MICAL2: variants seen among roughly 807,000 people sequenced by gnomAD.
The protein encoded by MICAL2 is microtubule associated monooxygenase, calponin and LIM domain containing 2, also known as [F-actin]-monooxygenase MICAL2.
Under a neutral mutation model 127.3 loss-of-function variants are expected in MICAL2, and 77 were observed. The ratio of observed to expected loss-of-function variants is 0.60; its 90% CI spans 0.50 to 0.73. The LOEUF (loss-of-function observed/expected upper bound fraction) is 0.73, where lower values mean the gene tolerates loss of function less well. Among genes scored for constraint, MICAL2 ranks in the 30% least tolerant of loss-of-function variants. The probability of loss-of-function intolerance (pLI) is 0.00; values close to 1 mark genes in which losing one functional copy is unlikely to be tolerated. For missense variants in MICAL2, 1,351 were observed against 1,434.4 expected (o/e 0.94, Z 0.94); for synonymous variants, 570 against 551.1 (o/e 1.03, Z -0.48).
intron 1 of MICAL2, among the ~76,000 whole-genome samples, chr11:12,125,065 G>A (rs1290565340): frequency 6.6e-6 from 1 of 152,196 alleles, no homozygotes; most frequent in East Asian, 1.9e-4. Context: ...TAGCCACTGG[G>A]GCTTCCTGCG....
chr11:12,291,109 G>A (rs1013982545), downstream of MICAL2, among the ~76,000 whole-genome samples: 24 of 152,170 alleles, frequency 1.6e-4, no homozygotes, highest in African/African-American at 5.3e-4. Flanking sequence ...TCCACGTGGA[G>A]GTCCTGGGAA....
chr11:12,161,161 T>C (rs551096013), intron 2 of MICAL2, among the ~76,000 whole-genome samples: 1 of 152,350 alleles, frequency 6.6e-6, no homozygotes, highest in East Asian at 1.9e-4. Flanking sequence ...GAAAAACAGC[T>C]AGTGCTTTGG....
chr11:12,253,629 C>G (rs758164452), intron 22 of MICAL2: 1 of 152,234 alleles, frequency 6.6e-6, no homozygotes, highest in Non-Finnish European at 1.5e-5. Context: ...CTGAGTTCTA[C>G]GAGCGATCCT....
intron 30 of MICAL2, among the ~76,000 whole-genome samples, chr11:12,322,067 CT>C (rs1263152367): frequency 6.6e-6 from 1 of 151,930 alleles, no homozygotes; most frequent in Non-Finnish European, 1.5e-5. Context: ...AGTTAATTTC[CT>C]CTCTGAGTTT....
intron 15 of MICAL2, among the ~76,000 whole-genome samples, chr11:12,235,709 G>A (rs1420280607): frequency 1.3e-5 from 2 of 152,160 alleles, no homozygotes; most frequent in Non-Finnish European, 2.9e-5. Flanking sequence ...CTTCTTGTAG[G>A]AGAGAGGCTC....
At chr11:12,300,535 G>A (rs956349222) in intron 29 of MICAL2, among the ~76,000 whole-genome samples, 1 of 152,100 alleles carries the variant, frequency 6.6e-6, no homozygotes, top group Non-Finnish European at 1.5e-5. Flanking sequence ...GGTCCTCCTG[G>A]GCTTGAAGAA....
chr11:12,114,100 G>C (rs1243733770), intron 1 of MICAL2, among the ~76,000 whole-genome samples: 1 of 152,164 alleles, frequency 6.6e-6, no homozygotes, highest in Non-Finnish European at 1.5e-5. Context: ...AACTCATAAT[G>C]CATAATCAGC....
At chr11:12,126,647 C>T (rs1480772852) in intron 1 of MICAL2, among the ~76,000 whole-genome samples, 3 of 150,204 alleles carry the variant, frequency 2.0e-5, no homozygotes, top group African/African-American at 4.9e-5. Context: ...ATGCATAAGG[C>T]TCAACTTCTC....
intron 1 of MICAL2, among the ~76,000 whole-genome samples, chr11:12,134,303 A>AT (rs1347937056): frequency 2.0e-5 from 3 of 151,972 alleles, no homozygotes; most frequent in East Asian, 1.9e-4. Flanking sequence ...AGCTATCTGG[A>AT]TTTTTTTTCT....
At chr11:12,321,426 A>T (rs1301301577) in intron 30 of MICAL2, among the ~76,000 whole-genome samples, 3 of 152,108 alleles carry the variant, frequency 2.0e-5, no homozygotes, top group Non-Finnish European at 2.9e-5. Context: ...ACGAGGCAGG[A>T]TGTGTCCTCT....
chr11:12,269,782 T>C (rs1222598497), intron 24 of MICAL2, among the ~76,000 whole-genome samples: 1 of 152,242 alleles, frequency 6.6e-6, no homozygotes, highest in Non-Finnish European at 1.5e-5. Flanking sequence ...CCAGGGCCCC[T>C]TGAATGACGC....
intron 33 of MICAL2, among the ~76,000 whole-genome samples, chr11:12,351,485 A>C (rs879480695): frequency 6.6e-6 from 1 of 152,224 alleles, no homozygotes; most frequent in Non-Finnish European, 1.5e-5. Flanking sequence ...ACCAAAAAAT[A>C]ATTATTTGGC....
At chr11:12,317,362 C>T (rs1461302080) in intron 29 of MICAL2, among the ~76,000 whole-genome samples, 1 of 152,212 alleles carries the variant, frequency 6.6e-6, no homozygotes, top group East Asian at 1.9e-4. Flanking sequence ...GCCTGCTGTC[C>T]AGTGCCTGAA....
At chr11:12,125,402 C>T (rs1850835261) in intron 1 of MICAL2, among the ~76,000 whole-genome samples, 1 of 152,184 alleles carries the variant, frequency 6.6e-6, no homozygotes, top group South Asian at 2.1e-4. Flanking sequence ...TACAGGCATG[C>T]ACCACCATGC....
intron 1 of MICAL2, chr11:12,116,977 G>A (rs10765923): frequency 0.42 from 64,513 of 151,934 alleles, 14,023 homozygotes; most frequent in Non-Finnish European, 0.47. Flanking sequence ...TTCTTTATTT[G>A]AGCTAATGTT....
intron 3 of MICAL2, among the ~76,000 whole-genome samples, chr11:12,178,131 A>G (rs1163942630): frequency 6.6e-6 from 1 of 152,196 alleles, no homozygotes; most frequent in Non-Finnish European, 1.5e-5. Context: ...GATTTCATCA[A>G]CTGTGCCTAC....
At chr11:12,163,155 G>A (rs1346132467) in intron 3 of MICAL2, among the ~76,000 whole-genome samples, 2 of 152,060 alleles carry the variant, frequency 1.3e-5, no homozygotes, top group African/African-American at 4.8e-5. Context: ...CCATCATTTG[G>A]CCATAGACAG....
In MICAL2 at chr11:12,216,271, A is replaced by T. The variant is rs1379109727; in HGVS notation, c.900A>T (p.Val300=). The T allele has an allele frequency of 1.9e-6, 3 of 1,613,972 alleles. No individual in the cohort carries two copies. The African/African-American group carries it at 4.0e-5, about 22-fold the overall frequency. The part of the protein sequence containing the change: ...VYYKDCTHYF[V]MTAKKQSLLD... The stretch of plus-strand genomic sequence containing the variant: ...ACAAGGACTGCACCCACTATTTTGT[A>T]ATGACAGCCAAGAAGCAGAGCCTGC... The change falls in exon 8 of 28, where the codon GTA becomes GTT. Residue 300 remains valine, a synonymous_variant. Coordinates refer to ENST00000683283, the MANE Select transcript of MICAL2 (RefSeq NM_001282663.2).
intron 20 of MICAL2, 117 bp downstream of exon 20, chr11:12,242,889 G>C: frequency 1.5e-6 from 1 of 668,384 alleles, no homozygotes; most frequent in Non-Finnish European, 2.4e-6. Context: ...AGCATGAAGA[G>C]CTCTTTATTT....
Sources: allele counts gnomAD v4.1 joint callset (sites outside exome capture counted in the v4.1 genomes callset), GRCh38; gene constraint gnomAD v4.1.1; transcripts MANE v1.5; gene names NCBI Gene and HGNC (gene_info 2026-07-23, HGNC 2026-07-21).